Variants in LRRD1 observed in about 807,000 individuals in gnomAD.
LRRD1 encodes the protein leucine-rich repeat and death domain-containing protein 1.
LRRD1 carries 49 observed loss-of-function variants against 69.5 expected under a neutral mutation model. That is an observed-to-expected ratio of 0.70 (90% CI 0.56 to 0.89). The LOEUF is 0.89. Among genes scored for constraint, LRRD1 ranks in the 40% least tolerant of loss-of-function variants. LRRD1 has a pLI of 0.00. For missense variants in LRRD1, 853 were observed against 956.0 expected (o/e 0.89, Z 1.42); for synonymous variants, 303 against 338.9 (o/e 0.89, Z 1.16).
intron 1 of LRRD1, among the ~76,000 whole-genome samples, chr7:92,175,167 G>C (rs891255769): frequency 6.6e-6 from 1 of 152,074 alleles, no homozygotes; most frequent in Non-Finnish European, 1.5e-5. Context: ...GGTCTTATCT[G>C]TTTTTACTAT....
intron 3 of LRRD1, among the ~76,000 whole-genome samples, chr7:92,150,939 A>C (rs138690017): frequency 2.3e-4 from 35 of 152,310 alleles, no homozygotes; most frequent in African/African-American, 7.7e-4. Flanking sequence ...TAATACAGCA[A>C]AGAACTTTAT....
At chr7:92,153,368 TA>T (rs1788568473) in intron 3 of LRRD1, among the ~76,000 whole-genome samples, 1 of 152,110 alleles carries the variant, frequency 6.6e-6, no homozygotes, top group Admixed American at 6.6e-5. Flanking sequence ...CCCGGCCTCT[TA>T]TGCTTATTTT....
intron 1 of LRRD1, among the ~76,000 whole-genome samples, chr7:92,171,546 C>G (rs1789056916): frequency 6.6e-6 from 1 of 152,090 alleles, no homozygotes; most frequent in Non-Finnish European, 1.5e-5. Flanking sequence ...GTCTCCCATC[C>G]AAGAAAAGTC....
At chr7:92,162,853 C>A (rs1308274440) in intron 2 of LRRD1, among the ~76,000 whole-genome samples, 1 of 151,926 alleles carries the variant, frequency 6.6e-6, no homozygotes, top group African/African-American at 2.4e-5. Flanking sequence ...CTTATAAAAC[C>A]ATATGCATAA....
chr7:92,144,702 C>T (rs965275803), downstream of LRRD1: 5 of 315,432 alleles, frequency 1.6e-5, no homozygotes, highest in East Asian at 2.6e-4. Flanking sequence ...AACAAACACA[C>T]AAAACAGTGT....
Position 92,163,783 on chromosome 7 carries a change from T to TA in LRRD1, c.1419dup (p.Asn474Ter), listed in dbSNP as rs1788840632. ...CCCAATGGAAAATACATTATTTTGT[T>TA]ATAACTCAATTCAATTTTAATTATT... On this transcript the variant is annotated frameshift_variant, in exon 2 of 6. Transcript: ENST00000458448. LOFTEE classifies it high-confidence loss of function. The TA allele has an allele frequency of 2.0e-6, 3 of 1,506,368 alleles. No individual in the cohort carries two copies. The highest frequency in any genetic ancestry group is 1.8e-6 in the Non-Finnish European group (2 of 1,131,412). 93.3% of individuals were successfully genotyped at this position (1,506,368 alleles called of 1,614,324 possible).
At chr7:92,149,686 A>T (rs547164026) in intron 4 of LRRD1, among the ~76,000 whole-genome samples, 1 of 152,186 alleles carries the variant, frequency 6.6e-6, no homozygotes, top group African/African-American at 2.4e-5. Context: ...GTTTTCCCTC[A>T]AGGCCGAATG....
intron 1 of LRRD1, among the ~76,000 whole-genome samples, chr7:92,174,137 G>C (rs1028561094): frequency 5.9e-5 from 9 of 152,042 alleles, no homozygotes; most frequent in African/African-American, 2.2e-4. Flanking sequence ...AATGAAGATA[G>C]AGAGTAGATT....
intron 4 of LRRD1, among the ~76,000 whole-genome samples, chr7:92,147,143 C>T (rs1050351680): frequency 4.3e-4 from 65 of 150,970 alleles, no homozygotes; most frequent in African/African-American, 1.5e-3. Context: ...CTGGTCTCAC[C>T]GCAACCTCTG....
downstream of LRRD1, chr7:92,143,082 C>T (rs1476173365): frequency 5.6e-6 from 1 of 178,950 alleles, no homozygotes; most frequent in Non-Finnish European, 1.2e-5. Context: ...CTTTACAATC[C>T]CTGAGCCAGA....
At chr7:92,152,546 T>G (rs1820498188) in intron 3 of LRRD1, among the ~76,000 whole-genome samples, 1 of 152,226 alleles carries the variant, frequency 6.6e-6, no homozygotes, top group African/African-American at 2.4e-5. Context: ...TATGTACAAC[T>G]ATATAAGAAA....
intron 1 of LRRD1, among the ~76,000 whole-genome samples, chr7:92,172,306 C>T (rs1042794666): frequency 6.6e-6 from 1 of 152,060 alleles, no homozygotes; most frequent in African/African-American, 2.4e-5. Context: ...CCACTCTCAC[C>T]ACTCTTATTC....
chr7:92,165,576 G>T (rs968606062), intron 1 of LRRD1, among the ~76,000 whole-genome samples: 1 of 151,924 alleles, frequency 6.6e-6, no homozygotes, highest in Non-Finnish European at 1.5e-5. Flanking sequence ...AAACATAAAA[G>T]GGGGCCGGGT....
intron 3 of LRRD1, among the ~76,000 whole-genome samples, chr7:92,157,238 T>C (rs556713910): frequency 6.6e-6 from 1 of 152,230 alleles, no homozygotes; most frequent in East Asian, 1.9e-4. Flanking sequence ...ACATGGCTTT[T>C]CATAAGCCTG....
At position 92,153,821 on chromosome 7, in the gene LRRD1, T is replaced by TA. The variant is rs538432442; in HGVS notation, c.2117-3127dup. Among the ~76,000 whole-genome samples, 44 of 148,690 alleles carry TA rather than the reference T, an allele frequency of 3.0e-4. 1 individual carries two copies. Among genetic ancestry groups the TA allele is most frequent in the African/African-American group, 4.4e-4 (18 of 40,634 alleles). ...TGGATGACACAGCAAGACTCTGCTG[T>TA]AAAAAAAAAATAAAAATAAAAAAAT... is the stretch of plus-strand genomic sequence containing the variant. On this transcript the variant is annotated intron_variant, in intron 3 of 5. Transcript: ENST00000458448.
intron 5 of LRRD1, among the ~76,000 whole-genome samples, chr7:92,145,690 C>T (rs1820307449): frequency 6.6e-6 from 1 of 152,140 alleles, no homozygotes; most frequent in Admixed American, 6.5e-5. Context: ...CCACCCGCCT[C>T]AGCTTCCCTA....
At chr7:92,142,934 A>G, downstream of LRRD1, 1 of 299,116 alleles carries the variant, frequency 3.3e-6, no homozygotes, top group East Asian at 9.2e-5. Flanking sequence ...CGCAGTGTGG[A>G]AGGGGACCGG....
At chr7:92,171,755 C>A (rs913415487) in intron 1 of LRRD1, among the ~76,000 whole-genome samples, 1 of 152,148 alleles carries the variant, frequency 6.6e-6, no homozygotes, top group Non-Finnish European at 1.5e-5. Flanking sequence ...AACATAGATG[C>A]AGAAATCCTC....
At chr7:92,144,045 A>C (rs7807490), downstream of LRRD1, among the ~76,000 whole-genome samples, 1 of 152,104 alleles carries the variant, frequency 6.6e-6, no homozygotes, top group South Asian at 2.1e-4. Context: ...TTCTGATAGC[A>C]GAAGAAGGGG....
Sources: allele counts gnomAD v4.1 joint callset (sites outside exome capture counted in the v4.1 genomes callset), GRCh38; gene constraint gnomAD v4.1.1; transcripts MANE v1.5; gene names NCBI Gene and HGNC (gene_info 2026-07-23, HGNC 2026-07-21).